Variants in PEX5 observed in about 807,000 individuals in gnomAD.
The protein encoded by PEX5 is peroxisomal biogenesis factor 5, also known as PTS1 receptor.
A neutral mutation model predicts 82.9 loss-of-function variants in PEX5; 52 were observed. The observed-to-expected ratio is 0.63, with a 90% CI of 0.50 to 0.79. PEX5 has a LOEUF of 0.79. PEX5 is among the 30% of genes least tolerant of loss of function. PEX5 has a pLI of 0.00. For missense variants in PEX5, 719 were observed against 815.2 expected (o/e 0.88, Z 1.44); for synonymous variants, 300 against 318.8 (o/e 0.94, Z 0.63).
At chr12:7,201,719 T>G in intron 6 of PEX5, 32 bp from the exon 7 acceptor site, 1 of 1,467,318 alleles carries the variant, frequency 6.8e-7, no homozygotes, top group Non-Finnish European at 9.6e-7. Flanking sequence ...GATGGCAGAC[T>G]AATGTGTAAA....
At position 7,210,035 on chromosome 12, in the gene PEX5, C is replaced by T; in HGVS notation, c.1732C>T (p.His578Tyr). The T allele has an allele frequency of 1.9e-6, 3 of 1,614,224 alleles. No homozygotes were observed. The highest frequency in any genetic ancestry group is 2.5e-6 in the Non-Finnish European group (3 of 1,180,038). ...TCTTCCTTACAGGGAGGCTGTGGAG[C>T]ACTTTCTGGAGGCCCTGAACATGCA... Reference protein sequence around the residue: ...NLGAHREAVEHFLEALNMQRK... With the variant: ...NLGAHREAVEYFLEALNMQRK... Residue 578 changes from histidine (H) to tyrosine (Y), a missense_variant, in exon 16 of 16, where the codon CAC (histidine) becomes TAC (tyrosine). His to Tyr is a moderately conservative substitution (Grantham distance 83). Transcript: ENST00000675855.
At position 7,191,799 on chromosome 12, in the gene PEX5, C is replaced by T. The variant is rs1010190759; in HGVS notation, c.448+99C>T. 112 of 1,130,096 alleles carry T rather than the reference C, an allele frequency of 9.9e-5. 2 individuals are homozygous for T. The Admixed American group carries it at 1.8e-3, about 18-fold the overall frequency. The allele number at this position is 1,130,096 out of a possible 1,614,324, so 70.0% of individuals were successfully genotyped here. A position where few individuals can be genotyped will look rare whatever the true frequency, so the allele number is the denominator to read the frequency against. ...ATAGTGTGATTACGATTTTTCTGGT[C>T]TCATGACTCATTTCTAGAGGGGTAG... On this transcript the variant is annotated intron_variant, in intron 5 of 15. Transcript: ENST00000675855.
Position 7,210,250 on chromosome 12 carries a change from T to A in PEX5, c.*27T>A. On this transcript the variant is annotated 3_prime_UTR_variant, in exon 16 of 16. Coordinates refer to ENST00000675855, the MANE Select transcript of PEX5 (RefSeq NM_001351132.2). ...AGTGGGACGGGCTGCCCTGTGAGTG[T>A]CCACCTGGAGGGATCCCCGCTTTGG... 1 of 1,605,774 alleles carries A rather than the reference T, an allele frequency of 6.2e-7. No homozygotes were observed. Among genetic ancestry groups the A allele is most frequent in the Non-Finnish European group, 8.5e-7 (1 of 1,173,136 alleles).
downstream of PEX5, among the ~76,000 whole-genome samples, chr12:7,215,252 C>G (rs781179859): frequency 6.6e-6 from 1 of 152,206 alleles, no homozygotes; most frequent in Admixed American, 6.5e-5. Flanking sequence ...AAAAAAGTAA[C>G]ATGTTAGTGA....
chr12:7,215,606 T>C (rs1321088209), downstream of PEX5, among the ~76,000 whole-genome samples: 1 of 152,188 alleles, frequency 6.6e-6, no homozygotes, highest in Non-Finnish European at 1.5e-5. Flanking sequence ...TGGTTGCCGC[T>C]GGAGGCCATT....
At chr12:7,196,816 AATT>A (rs1387832705) in intron 5 of PEX5, among the ~76,000 whole-genome samples, 2 of 3,862 alleles carry the variant, frequency 5.2e-4, no homozygotes, top group African/African-American at 1.1e-3. Context: ...ATAATGTAAT[AATT>A]ATATATGTCA....
downstream of PEX5, among the ~76,000 whole-genome samples, chr12:7,212,549 G>GAAAT (rs1293961123): frequency 1.3e-5 from 2 of 150,414 alleles, no homozygotes; most frequent in Non-Finnish European, 2.9e-5. Flanking sequence ...TCCAGACAGT[G>GAAAT]AAATATAGCT....
At chr12:7,192,794 AT>A (rs1372344498) in intron 5 of PEX5, among the ~76,000 whole-genome samples, 5 of 151,096 alleles carry the variant, frequency 3.3e-5, no homozygotes, top group African/African-American at 9.7e-5. Flanking sequence ...CTCAAGTCTA[AT>A]TTTCCTTGAG....
chr12:7,208,935 A>C, intron 13 of PEX5, 70 bp from the exon 14 acceptor site: 1 of 1,372,312 alleles, frequency 7.3e-7, no homozygotes, highest in Non-Finnish European at 1.0e-6. Flanking sequence ...ATCAATGAAG[A>C]AATTAATTTG....
chr12:7,212,756 T>G (rs1405388812), downstream of PEX5: 1 of 152,170 alleles, frequency 6.6e-6, no homozygotes, highest in Admixed American at 6.5e-5. Context: ...TTGGTGCATG[T>G]TTGATACTTT....
chr12:7,193,050 G>A (rs1423103155), intron 5 of PEX5, among the ~76,000 whole-genome samples: 1 of 152,130 alleles, frequency 6.6e-6, no homozygotes, highest in African/African-American at 2.4e-5. Context: ...TTGGCTTTAA[G>A]AGTGCTAATC....
At chr12:7,190,796 T>C in intron 2 of PEX5, 92 bp from the exon 3 acceptor site, 1 of 1,368,046 alleles carries the variant, frequency 7.3e-7, no homozygotes, top group Middle Eastern at 1.8e-4. Flanking sequence ...ATTTTATAGA[T>C]GAAGAAGCCG....
chr12:7,216,190 A>ACT (rs1945774099), downstream of PEX5, among the ~76,000 whole-genome samples: 1 of 151,628 alleles, frequency 6.6e-6, no homozygotes, highest in Non-Finnish European at 1.5e-5. Context: ...CTGGTCTTGA[A>ACT]CTCCTGACGT....
At chr12:7,215,549 AC>A (rs1945753494), downstream of PEX5, among the ~76,000 whole-genome samples, 2 of 152,210 alleles carry the variant, frequency 1.3e-5, no homozygotes, top group Admixed American at 6.5e-5. Flanking sequence ...AATATAGAAT[AC>A]TATGCATCCG....
intron 10 of PEX5, among the ~76,000 whole-genome samples, chr12:7,205,979 G>T (rs1213502305): frequency 6.6e-6 from 1 of 152,210 alleles, no homozygotes; most frequent in African/African-American, 2.4e-5. Flanking sequence ...CGTTGGTGAA[G>T]ATTCCCATTT....
At chr12:7,199,167 C>A (rs1943263938) in intron 6 of PEX5, 54 bp downstream of exon 6, 1 of 948,606 alleles carries the variant, frequency 1.1e-6, no homozygotes, top group African/African-American at 1.6e-5. Context: ...GACAGTTTTC[C>A]CAGCCTCCTC....
rs778093565 is a variant in PEX5 at position 7,201,854 on chromosome 12, C to T, written c.642+13C>T. 3.8e-6 allele frequency: 6 copies of T among 1,588,002 alleles called. No homozygotes were observed. The South Asian group carries it at 5.5e-5, about 15-fold the overall frequency. ...GGCTAATTCTGAGGTGAGCCACATC[C>T]CTCTGCTGCTTTGCCCAGCAGAGCT... On this transcript the variant is annotated intron_variant, in intron 7 of 15. Coordinates refer to ENST00000675855, the MANE Select transcript of PEX5 (RefSeq NM_001351132.2).
chr12:7,190,478 G>A lies in PEX5; in HGVS notation c.101G>A (p.Gly34Glu). The A allele has an allele frequency of 6.2e-7, 1 of 1,613,988 alleles. No homozygotes were observed. The highest frequency in any genetic ancestry group is 8.5e-7 in the Non-Finnish European group (1 of 1,180,004). Residue 34 changes from glycine to glutamate, a missense_variant, in exon 2 of 16, where the codon GGA (glycine) becomes GAA (glutamate). By Grantham distance (98) the Gly-to-Glu change is moderately conservative (BLOSUM62 -2). Transcript: ENST00000675855. ...CAGGACAAGGCCCTTCGGCAGGAGG[G>A]ATTGAGGCCTGGCCCCTGGCCCCCC... Reference protein sequence around the residue: ...FTQDKALRQEGLRPGPWPPGA... With the variant: ...FTQDKALRQEELRPGPWPPGA...
In PEX5 at chr12:7,190,384, A is replaced by G. The variant is rs752899987; in HGVS notation, c.7A>G (p.Met3Val). The G allele has an allele frequency of 2.5e-6, 4 of 1,614,062 alleles. No homozygotes were observed. The highest frequency in any genetic ancestry group is 4.5e-5 in the East Asian group (2 of 44,882). The change falls in exon 2 of 16, where the codon ATG becomes GTG. Residue 3 changes from methionine (M) to valine (V), a missense_variant. Met to Val is a conservative substitution (Grantham distance 21). Coordinates refer to ENST00000675855, the MANE Select transcript of PEX5 (RefSeq NM_001351132.2). ...CAGAGAGCTGGCGGTCACCATGGCA[A>G]TGCGGGAGCTGGTGGAGGCCGAATG... MA[M>V]RELVEAECGG... is the part of the protein sequence containing the mutation.
Sources: allele counts gnomAD v4.1 joint callset (sites outside exome capture counted in the v4.1 genomes callset), GRCh38; gene constraint gnomAD v4.1.1; transcripts MANE v1.5; gene names NCBI Gene and HGNC (gene_info 2026-07-23, HGNC 2026-07-21).